MARCHF1: variants seen among roughly 807,000 people sequenced by gnomAD.
MARCHF1 encodes the protein membrane associated ring-CH-type finger 1, also known as E3 ubiquitin-protein ligase MARCHF1.
In MARCHF1, 40 loss-of-function variants were observed where a neutral mutation model predicts 54.2. The observed-to-expected ratio is 0.74, with a 90% confidence interval of 0.57 to 0.96. The LOEUF is 0.96. Ranked by LOEUF, MARCHF1 falls within the 40% of genes least tolerant of loss-of-function variation. MARCHF1 has a pLI of 0.00. For synonymous variants in MARCHF1, 236 were observed against 236.3 expected (o/e 1.00, Z 0.01); for missense variants, 586 against 656.5 (o/e 0.89, Z 1.17).
At chr4:163,688,497 T>C (rs1561020122) in intron 5 of MARCHF1, among the ~76,000 whole-genome samples, 1 of 152,168 alleles carries the variant, frequency 6.6e-6, no homozygotes, top group South Asian at 2.1e-4. Flanking sequence ...CTTATTGTCA[T>C]AGTTAGAATA....
chr4:163,545,512 C>T, intron 9 of MARCHF1, 84 bp downstream of exon 9: 1 of 1,381,208 alleles, frequency 7.2e-7, no homozygotes, highest in Non-Finnish European at 9.9e-7. Flanking sequence ...TGATGAAGGC[C>T]TAACCTGGGG....
chr4:163,628,610 C>T (rs1482207379), intron 5 of MARCHF1, among the ~76,000 whole-genome samples: 1 of 152,162 alleles, frequency 6.6e-6, no homozygotes, highest in Non-Finnish European at 1.5e-5. Flanking sequence ...GTCAAATTGT[C>T]TTTGTTTGGA....
intron 1 of MARCHF1, among the ~76,000 whole-genome samples, chr4:164,307,346 A>T (rs72991307): frequency 6.6e-6 from 1 of 152,252 alleles, no homozygotes; most frequent in Non-Finnish European, 1.5e-5. Flanking sequence ...ATTAAAGAGG[A>T]TGGAGCTGCT....
intron 1 of MARCHF1, among the ~76,000 whole-genome samples, chr4:164,133,654 A>T (rs368399187): frequency 4.6e-5 from 7 of 152,332 alleles, no homozygotes; most frequent in African/African-American, 1.4e-4. Flanking sequence ...CCAAAAATAA[A>T]TTTTTAACCT....
At chr4:164,179,823 C>T (rs1730786531) in intron 1 of MARCHF1, among the ~76,000 whole-genome samples, 1 of 151,360 alleles carries the variant, frequency 6.6e-6, no homozygotes, top group Admixed American at 6.6e-5. Flanking sequence ...CTATAACCTA[C>T]AGTAATAATA....
chr4:164,054,034 G>A (rs1308610616), intron 2 of MARCHF1, among the ~76,000 whole-genome samples: 2 of 151,812 alleles, frequency 1.3e-5, no homozygotes, highest in Non-Finnish European at 2.9e-5. Context: ...ATCTGACAAA[G>A]GGCTAATATC....
intron 3 of MARCHF1, among the ~76,000 whole-genome samples, chr4:163,940,569 T>C (rs140868696): frequency 0.01 from 1,533 of 152,166 alleles, 25 homozygotes; most frequent in African/African-American, 0.032. Context: ...TTGCACAGTA[T>C]GGGAAATGCA....
chr4:164,068,475 G>A (rs1754779619), intron 2 of MARCHF1, among the ~76,000 whole-genome samples: 1 of 152,170 alleles, frequency 6.6e-6, no homozygotes, highest in Non-Finnish European at 1.5e-5. Context: ...GGGCTCGGCA[G>A]GCCCCACAAT....
intron 3 of MARCHF1, among the ~76,000 whole-genome samples, chr4:163,875,452 T>C (rs1242240093): frequency 6.6e-6 from 1 of 152,074 alleles, no homozygotes; most frequent in Non-Finnish European, 1.5e-5. Flanking sequence ...ATGATTAAAA[T>C]CTCAATATGA....
intron 4 of MARCHF1, among the ~76,000 whole-genome samples, chr4:163,707,256 A>G (rs1405225131): frequency 6.6e-6 from 1 of 152,126 alleles, no homozygotes; most frequent in Non-Finnish European, 1.5e-5. Flanking sequence ...GAAAAATACA[A>G]AAAGTTAAAG....
chr4:163,592,499 G>T (rs372595184), intron 7 of MARCHF1, among the ~76,000 whole-genome samples: 1 of 151,510 alleles, frequency 6.6e-6, no homozygotes, highest in Non-Finnish European at 1.5e-5. Context: ...TCCAAGAGTC[G>T]CAAGTAATCA....
At chr4:164,002,735 C>T (rs1349975175) in intron 2 of MARCHF1, among the ~76,000 whole-genome samples, 2 of 151,708 alleles carry the variant, frequency 1.3e-5, no homozygotes, top group African/African-American at 2.4e-5. Flanking sequence ...ACTTAAGAAA[C>T]ATAAAGAAAA....
chr4:163,921,497 T>G (rs1308258075), intron 3 of MARCHF1, among the ~76,000 whole-genome samples: 1 of 152,168 alleles, frequency 6.6e-6, no homozygotes, highest in African/African-American at 2.4e-5. Context: ...TTGGTGTTCA[T>G]AAACAATTTG....
chr4:164,321,106 G>C (rs1159330061), intron 1 of MARCHF1, among the ~76,000 whole-genome samples: 1 of 152,058 alleles, frequency 6.6e-6, no homozygotes, highest in Non-Finnish European at 1.5e-5. Context: ...AGTAATATAA[G>C]AGTATATCTA....
chr4:164,185,807 C>CAA (rs1446737335), intron 1 of MARCHF1, among the ~76,000 whole-genome samples: 1 of 43,240 alleles, frequency 2.3e-5, no homozygotes, highest in Non-Finnish European at 7.3e-5. Flanking sequence ...CACACACACA[C>CAA]ACAAAAAAAA....
chr4:163,932,445 T>C lies in MARCHF1; in HGVS notation c.-39+56056A>G, dbSNP rs1462386211. On this transcript the variant is annotated intron_variant, in intron 3 of 9. Coordinates refer to ENST00000514618, the MANE Select transcript of MARCHF1 (RefSeq NM_001394959.1). ...TTTATGTAATATTCTAAATCCTTTG[T>C]TGTCATTTCAACAATGCTCACAGCA... The C allele has an allele frequency of 1.3e-5, 5 of 388,750 alleles. No homozygotes were observed. In the East Asian group the frequency reaches 3.1e-4, roughly 24 times the overall value. The allele number at this position is 388,750 out of a possible 1,614,324, so 24.1% of individuals were successfully genotyped here. A position where few individuals can be genotyped will look rare whatever the true frequency, so the allele number is the denominator to read the frequency against.
At chr4:164,312,323 T>C (rs906175751) in intron 1 of MARCHF1, among the ~76,000 whole-genome samples, 6 of 138,964 alleles carry the variant, frequency 4.3e-5, no homozygotes, top group Admixed American at 7.1e-5. Flanking sequence ...CTTTTTCTTT[T>C]TTTTTTTTTT....
chr4:164,371,888 A>G (rs1731046596), intron 1 of MARCHF1, among the ~76,000 whole-genome samples: 1 of 152,092 alleles, frequency 6.6e-6, no homozygotes. Context: ...TTTTGTTTAT[A>G]ATATTTATAA....
chr4:164,079,719 G>A (rs1162999350), intron 2 of MARCHF1, among the ~76,000 whole-genome samples: 1 of 151,784 alleles, frequency 6.6e-6, no homozygotes, highest in Non-Finnish European at 1.5e-5. Flanking sequence ...TTATCTACTT[G>A]TCTATTTCTA....
Sources: allele counts gnomAD v4.1 joint callset (sites outside exome capture counted in the v4.1 genomes callset), GRCh38; gene constraint gnomAD v4.1.1; transcripts MANE v1.5; gene names NCBI Gene and HGNC (gene_info 2026-07-23, HGNC 2026-07-21).